GRK5: variants seen among roughly 807,000 people sequenced by gnomAD.
GRK5 encodes G protein-coupled receptor kinase 5.
GRK5 carries 40 observed loss-of-function variants against 78.4 expected under a neutral mutation model. The ratio of observed to expected loss-of-function variants is 0.51; its 90% CI spans 0.40 to 0.66. GRK5 has a LOEUF of 0.66. Ranked by LOEUF, GRK5 falls within the 30% of genes least tolerant of loss-of-function variation. GRK5 has a pLI of 0.00. For missense variants in GRK5, 598 were observed against 759.9 expected (o/e 0.79, Z 2.50); for synonymous variants, 289 against 296.8 (o/e 0.97, Z 0.27).
chr10:119,378,643 C>G lies in GRK5; in HGVS notation c.149-2172C>G, dbSNP rs1050448196. On this transcript the variant is annotated intron_variant, in intron 2 of 15. Coordinates refer to ENST00000392870, the MANE Select transcript of GRK5 (RefSeq NM_005308.3). This position sits in a 1 kb window ranked among gnomAD's most constrained non-coding sequence, Gnocchi z 4.5. Reference sequence around the variant, plus strand: ...GGCGGGCTGCCTTCAGGGCTCCTCTCTCCGCTCATCTCCGCTTGTGTGCGG... The same window carrying G: ...GGCGGGCTGCCTTCAGGGCTCCTCTGTCCGCTCATCTCCGCTTGTGTGCGG... Among the ~76,000 whole-genome samples, 1 of 146,558 alleles carries G rather than the reference C, an allele frequency of 6.8e-6. No individual in the cohort carries two copies. Among genetic ancestry groups the G allele is most frequent in the Non-Finnish European group, 1.5e-5 (1 of 66,780 alleles).
At chr10:119,228,480 A>G (rs893772931) in intron 1 of GRK5, among the ~76,000 whole-genome samples, 7 of 151,020 alleles carry the variant, frequency 4.6e-5, no homozygotes, top group African/African-American at 9.7e-5. Context: ...AACATCAGCA[A>G]TCAGCCAGGC....
chr10:119,434,733 C>G (rs1268055299), intron 8 of GRK5, among the ~76,000 whole-genome samples: 4 of 152,216 alleles, frequency 2.6e-5, no homozygotes, highest in Non-Finnish European at 5.9e-5. Context: ...AGTGGATCTA[C>G]CATTCTGGGG....
chr10:119,243,790 T>C lies in GRK5; in HGVS notation c.52+35821T>C, dbSNP rs150770708. ...CTTACTGAAGAAGGGGATGAAGGAGTGCCACACAGTGAAAACCACAACTGT... is the reference window on the plus strand; with the variant it reads ...CTTACTGAAGAAGGGGATGAAGGAGCGCCACACAGTGAAAACCACAACTGT... On this transcript the variant is annotated intron_variant, in intron 1 of 15. Transcript: ENST00000392870. Among the ~76,000 whole-genome samples the C allele has an allele frequency of 5.5e-3, 833 of 152,090 alleles. 4 individuals carry two copies. The highest frequency in any genetic ancestry group is 8.7e-3 in the Non-Finnish European group (588 of 67,976).
At chr10:119,365,151 A>C (rs75965079) in intron 2 of GRK5, among the ~76,000 whole-genome samples, 3,914 of 152,320 alleles carry the variant, frequency 0.026, 140 homozygotes, top group African/African-American at 0.085. Flanking sequence ...CTTTAAAAAG[A>C]AAGAAAGAAG....
chr10:119,440,758 C>A (rs559152917), intron 10 of GRK5, among the ~76,000 whole-genome samples: 1 of 152,226 alleles, frequency 6.6e-6, no homozygotes, highest in South Asian at 2.1e-4. Flanking sequence ...GCCATGTTGA[C>A]CAGGCTGGTC....
intron 1 of GRK5, among the ~76,000 whole-genome samples, chr10:119,234,664 C>T (rs1848889405): frequency 6.6e-6 from 1 of 151,650 alleles, no homozygotes; most frequent in Admixed American, 6.6e-5. Context: ...TCTCCCTCCC[C>T]TTTTTTCTTT....
chr10:119,329,499 G>T (rs1031289816), intron 2 of GRK5, among the ~76,000 whole-genome samples: 2 of 152,172 alleles, frequency 1.3e-5, no homozygotes, highest in Non-Finnish European at 2.9e-5. Flanking sequence ...CACAATGCCA[G>T]TGGGTGCAGA....
In GRK5 at chr10:119,379,604, A is replaced by G. The variant is rs961638883; in HGVS notation, c.149-1211A>G. On this transcript the variant is annotated intron_variant, in intron 2 of 15. Coordinates refer to ENST00000392870, the MANE Select transcript of GRK5 (RefSeq NM_005308.3). This position sits in a 1 kb window ranked among gnomAD's most constrained non-coding sequence, Gnocchi z 4.1. ...CAAGTTGCTGTCCTTCCCAGGCTCT[A>G]TCGCCCTCTTCCCTGTTTCCCACGA... is the stretch of plus-strand genomic sequence containing the variant. Among the ~76,000 whole-genome samples the G allele has an allele frequency of 6.6e-6, 1 of 152,118 alleles. No individual in the cohort carries two copies. Among genetic ancestry groups the G allele is most frequent in the East Asian group, 1.9e-4 (1 of 5,194 alleles).
rs1185586449 is a variant in GRK5, at chr10:119,267,862, C to T, written c.53-58654C>T. 6.6e-6 allele frequency among the ~76,000 whole-genome samples: 1 copy of T among 152,110 alleles called. No individual in the cohort carries two copies. Among genetic ancestry groups the T allele is most frequent in the African/African-American group, 2.4e-5 (1 of 41,416 alleles). ...ACCCCAGCTCCTCCACACTCCCCAC[C>T]CCCCACAGCCCAGCCAGGTCCAAAA... is the stretch of plus-strand genomic sequence containing the variant. On this transcript the variant is annotated intron_variant, in intron 1 of 15. Coordinates refer to ENST00000392870, the MANE Select transcript of GRK5 (RefSeq NM_005308.3). The surrounding 1 kb of genome is among the most constrained non-coding windows in gnomAD (Gnocchi z 4.1).
intron 1 of GRK5, among the ~76,000 whole-genome samples, chr10:119,270,762 C>T (rs1348454122): frequency 1.3e-5 from 2 of 152,224 alleles, no homozygotes; most frequent in Non-Finnish European, 2.9e-5. Flanking sequence ...AGGTGTGAAG[C>T]TGAGAGTTAA....
intron 3 of GRK5, among the ~76,000 whole-genome samples, chr10:119,382,230 A>C (rs1357481286): frequency 6.6e-6 from 1 of 151,632 alleles, no homozygotes; most frequent in African/African-American, 2.4e-5. Flanking sequence ...CCTTGGGCTT[A>C]GGGGAGGCTC....
At chr10:119,207,994 C>T (rs1432515607) in intron 1 of GRK5, 25 bp downstream of exon 1, 1 of 1,597,424 alleles carries the variant, frequency 6.3e-7, no homozygotes, top group Admixed American at 1.7e-5. Context: ...CGGTACGTGC[C>T]CGGCGCGTCC....
In GRK5 at chr10:119,341,708, G is replaced by A. The variant is rs367619418; in HGVS notation, c.148+15097G>A. 1.1e-4 allele frequency among the ~76,000 whole-genome samples: 17 copies of A among 152,222 alleles called. No individual in the cohort carries two copies. In the South Asian group the frequency reaches 3.5e-3, roughly 32 times the overall value. Reference sequence around the variant, plus strand: ...TGTGTTTTGCCAGCACCCAGCATGAGTGTCTACCCTGTACCAGGCACTTGT... The same window carrying A: ...TGTGTTTTGCCAGCACCCAGCATGAATGTCTACCCTGTACCAGGCACTTGT... On this transcript the variant is annotated intron_variant, in intron 2 of 15. Transcript: ENST00000392870.
chr10:119,398,386 G>A (rs1352819171), intron 4 of GRK5, among the ~76,000 whole-genome samples: 1 of 133,052 alleles, frequency 7.5e-6, no homozygotes, highest in Non-Finnish European at 1.6e-5. Flanking sequence ...CCTCCGAGAT[G>A]TCTCTGATGA....
At chr10:119,209,996 A>G (rs1218931589) in intron 1 of GRK5, among the ~76,000 whole-genome samples, 2 of 152,066 alleles carry the variant, frequency 1.3e-5, no homozygotes, top group African/African-American at 4.8e-5. Flanking sequence ...TTACTGTCTG[A>G]TATTGTTGTT....
intron 1 of GRK5, among the ~76,000 whole-genome samples, chr10:119,288,020 C>T (rs1388959271): frequency 6.6e-6 from 1 of 152,256 alleles, no homozygotes; most frequent in Non-Finnish European, 1.5e-5. Flanking sequence ...ACGGTCCTCA[C>T]AGGTAGAACG....
At position 119,425,100 on chromosome 10, in the gene GRK5, C is replaced by T. The variant is rs988129251; in HGVS notation, c.533+15C>T. On this transcript the variant is annotated intron_variant, in intron 6 of 15. Transcript: ENST00000392870. ...TGGTTGGAAAGGTGAGTCCACCACA[C>T]CCCATACAGATCAGGGAGGCAGAGG... 1 of 1,548,368 alleles carries T rather than the reference C, an allele frequency of 6.5e-7. No individual in the cohort carries two copies. The highest frequency in any genetic ancestry group is 8.9e-7 in the Non-Finnish European group (1 of 1,119,766).
intron 2 of GRK5, among the ~76,000 whole-genome samples, chr10:119,344,817 C>T (rs1388871646): frequency 1.3e-5 from 2 of 151,944 alleles, no homozygotes; most frequent in Admixed American, 6.5e-5. Context: ...GAGGGAGCTT[C>T]CCACCCCTGG....
Position 119,455,175 on chromosome 10 carries a change from G to A in GRK5, c.*108G>A. The A allele has an allele frequency of 1.1e-6, 1 of 900,516 alleles. No homozygotes were observed. The highest frequency in any genetic ancestry group is 1.3e-5 in the South Asian group (1 of 74,994). 55.8% of individuals were successfully genotyped at this position (900,516 alleles called of 1,614,324 possible). ...GGTGGGGCTGCCAGGGGAGACCCCG[G>A]GAGCCGGGGAAGGAGGCCGTCCATC... On this transcript the variant is annotated 3_prime_UTR_variant, in exon 16 of 16. Coordinates refer to ENST00000392870, the MANE Select transcript of GRK5 (RefSeq NM_005308.3).
Sources: gnomAD v4.1 joint callset for allele counts (sites outside exome capture counted in the v4.1 genomes callset) on GRCh38, gnomAD v4.1.1 for gene constraint, Gnocchi (gnomAD v3.1) non-coding constraint, MANE v1.5 for transcripts, NCBI Gene and HGNC (gene_info 2026-07-23, HGNC 2026-07-21) for gene names.